USP4: variants seen among roughly 807,000 people sequenced by gnomAD.
The protein encoded by USP4 is ubiquitin specific peptidase 4, also known as ubiquitin carboxyl-terminal hydrolase 4.
USP4 carries 72 observed loss-of-function variants against 118.2 expected under a neutral mutation model. The observed-to-expected ratio is 0.61, with a 90% CI of 0.50 to 0.74. The LOEUF (loss-of-function observed/expected upper bound fraction) is 0.74, where lower values mean the gene tolerates loss of function less well. USP4 is among the 30% of genes least tolerant of loss of function. USP4 has a pLI of 0.00. For missense variants in USP4, 1,037 were observed against 1,185.7 expected (o/e 0.87, Z 1.84); for synonymous variants, 415 against 440.4 (o/e 0.94, Z 0.72).
chr3:49,284,382 G>C, intron 18 of USP4, 84 bp downstream of exon 18: 2 of 1,151,964 alleles, frequency 1.7e-6, no homozygotes, highest in East Asian at 2.3e-5. Context: ...CAAATACAAA[G>C]GGGTTTATGT....
chr3:49,335,697 T>A, intron 1 of USP4, 101 bp from the exon 2 acceptor site: 1 of 1,356,158 alleles, frequency 7.4e-7, no homozygotes, highest in South Asian at 1.2e-5. Context: ...TTGGGGCATA[T>A]GCAATACCCA....
intron 15 of USP4, among the ~76,000 whole-genome samples, chr3:49,289,340 A>G (rs1413576000): frequency 2.0e-5 from 3 of 152,170 alleles, no homozygotes; most frequent in African/African-American, 4.8e-5. Context: ...TGAAGCAGAT[A>G]TCCTTTTGCA....
intron 6 of USP4, among the ~76,000 whole-genome samples, chr3:49,324,156 G>T (rs1386911648): frequency 6.6e-6 from 1 of 152,038 alleles, no homozygotes; most frequent in Non-Finnish European, 1.5e-5. Context: ...CTGCCACCAT[G>T]CCTAGCTAAT....
At chr3:49,338,662 CAAA>C (rs1184984948) in intron 1 of USP4, among the ~76,000 whole-genome samples, 1 of 52,874 alleles carries the variant, frequency 1.9e-5, no homozygotes, top group Admixed American at 2.2e-4. Flanking sequence ...AATTCCTTCT[CAAA>C]AAAAAAAAAA....
chr3:49,325,312 T>A (rs2047541327), intron 4 of USP4, among the ~76,000 whole-genome samples: 1 of 151,878 alleles, frequency 6.6e-6, no homozygotes, highest in African/African-American at 2.4e-5. Context: ...TGGAGTTAAC[T>A]CAGATATGGC....
At chr3:49,300,413 G>T in intron 11 of USP4, 54 bp downstream of exon 11, 1 of 1,535,816 alleles carries the variant, frequency 6.5e-7, no homozygotes, top group Non-Finnish European at 9.0e-7. Context: ...AGTCCCACTG[G>T]GATCTGGAGA....
chr3:49,282,038 AC>A lies in USP4; in HGVS notation c.2541-1192del, dbSNP rs1428305616. Among the ~76,000 whole-genome samples the A allele has an allele frequency of 2.6e-5, 4 of 151,960 alleles. No homozygotes were observed. In the East Asian group the frequency reaches 7.8e-4, roughly 29 times the overall value. ...AAAAAACAAAAACAAAACAAAAAAA[AC>A]AACAACAACAACAAAAGAAAATGGG... is the stretch of plus-strand genomic sequence containing the variant. On this transcript the variant is annotated intron_variant, in intron 19 of 21. Coordinates refer to ENST00000265560, the MANE Select transcript of USP4 (RefSeq NM_003363.4).
At chr3:49,304,208 A>AT (rs923932852) in intron 9 of USP4, among the ~76,000 whole-genome samples, 5 of 152,036 alleles carry the variant, frequency 3.3e-5, no homozygotes, top group Non-Finnish European at 5.9e-5. Context: ...CTAAGGTGCT[A>AT]TTTTTTTTCC....
At chr3:49,311,373 T>A in intron 7 of USP4, 141 bp downstream of exon 7, 2 of 884,636 alleles carry the variant, frequency 2.3e-6, no homozygotes, top group Non-Finnish European at 3.4e-6. Context: ...AGGTATGAAA[T>A]GGAGTGAGAA....
chr3:49,280,643 C>A, intron 20 of USP4, 101 bp downstream of exon 20: 14 of 784,364 alleles, frequency 1.8e-5, no homozygotes, highest in South Asian at 3.3e-5. Context: ...GCCTGTGAAA[C>A]TGCATAAGCA....
At chr3:49,316,973 C>G (rs1304207375) in intron 6 of USP4, 1 of 669,854 alleles carries the variant, frequency 1.5e-6, no homozygotes, top group African/African-American at 1.8e-5. Context: ...CTCTTAGCAC[C>G]TGAGACAGTG....
Sources: allele counts gnomAD v4.1 joint callset (sites outside exome capture counted in the v4.1 genomes callset), GRCh38; gene constraint gnomAD v4.1.1; transcripts MANE v1.5; gene names NCBI Gene and HGNC (gene_info 2026-07-23, HGNC 2026-07-21).